The following BUB1B variants were observed in gnomAD, a reference collection of about 807,000 sequenced individuals.
BUB1B encodes mitotic checkpoint serine/threonine-protein kinase BUB1 beta.
In BUB1B, 86 loss-of-function variants were observed where a neutral mutation model predicts 137.7. That is an observed-to-expected ratio of 0.62 (90% CI 0.52 to 0.75). The LOEUF (loss-of-function observed/expected upper bound fraction) is 0.75, where lower values mean the gene tolerates loss of function less well. Among genes scored for constraint, BUB1B ranks in the 30% least tolerant of loss-of-function variants. The pLI is 0.00. For synonymous variants in BUB1B, 420 were observed against 417.9 expected (o/e 1.00, Z -0.06); for missense variants, 1,130 against 1,236.9 (o/e 0.91, Z 1.30).
At chr15:40,183,999 C>T (rs765131397) in intron 6 of BUB1B, 116 bp downstream of exon 6, 1 of 1,107,270 alleles carries the variant, frequency 9.0e-7, no homozygotes, top group Non-Finnish European at 1.3e-6. Flanking sequence ...TACTGAGTAG[C>T]AAAAAGAAGG....
At chr15:40,173,155 C>T (rs2037183906) in intron 4 of BUB1B, among the ~76,000 whole-genome samples, 1 of 151,688 alleles carries the variant, frequency 6.6e-6, no homozygotes, top group Non-Finnish European at 1.5e-5. Flanking sequence ...CGTGGTGGTG[C>T]GCACATGTAA....
chr15:40,166,009 C>T (rs939028943), intron 2 of BUB1B, among the ~76,000 whole-genome samples: 12 of 152,098 alleles, frequency 7.9e-5, no homozygotes, highest in African/African-American at 2.7e-4. Flanking sequence ...TGCGCCGCCA[C>T]GCCTGGGTAA....
At chr15:40,217,157 C>G (rs1034817776) in intron 20 of BUB1B, among the ~76,000 whole-genome samples, 5 of 152,136 alleles carry the variant, frequency 3.3e-5, no homozygotes, top group African/African-American at 9.7e-5. Flanking sequence ...GTGTATAAAT[C>G]ATTGCAATTG....
rs976402578 is a variant in BUB1B, at chr15:40,220,676, G to C, written c.3070G>C (p.Asp1024His). The C allele has an allele frequency of 6.2e-7, 1 of 1,614,160 alleles. No homozygotes were observed. The highest frequency in any genetic ancestry group is 8.5e-7 in the Non-Finnish European group (1 of 1,180,018). Residue 1024 changes from aspartate to histidine, a missense_variant, in exon 23 of 23, where the codon GAC becomes CAC. Coordinates refer to ENST00000287598, the MANE Select transcript of BUB1B (RefSeq NM_001211.6). ...ELAAEMNGVF[D>H]TTFQSHLNKA... ...TGCAGCAGAAATGAATGGGGTTTTT[G>C]ACACTACATTCCAAAGTCACCTGAA...
In BUB1B at chr15:40,176,389, C is replaced by T. The variant is rs1057020004; in HGVS notation, c.385-88C>T. 4 of 1,145,986 alleles carry T rather than the reference C, an allele frequency of 3.5e-6. No homozygotes were observed. In the African/African-American group the frequency reaches 4.6e-5, roughly 13 times the overall value. The allele number at this position is 1,145,986 out of a possible 1,614,324, so 71.0% of individuals were successfully genotyped here. On this transcript the variant is annotated intron_variant, in intron 4 of 22. Coordinates refer to ENST00000287598, the MANE Select transcript of BUB1B (RefSeq NM_001211.6). ...GATTTTTTTTTCAATACAGGAATTG[C>T]ATGTAGTATCTCCAGTGATTGTTTG...
chr15:40,218,872 A>G (rs2037842574), intron 22 of BUB1B, among the ~76,000 whole-genome samples: 1 of 152,168 alleles, frequency 6.6e-6, no homozygotes, highest in African/African-American at 2.4e-5. Flanking sequence ...CATGAGAATA[A>G]TTTTCTAACT....
chr15:40,169,606 A>ATTTTTTTTTT (rs2037137847), intron 2 of BUB1B, among the ~76,000 whole-genome samples: 1 of 106,588 alleles, frequency 9.4e-6, no homozygotes, highest in Non-Finnish European at 2.0e-5. Context: ...AATTATTTCT[A>ATTTTTTTTTT]TTCTTTTTTT....
chr15:40,212,468 G>T, intron 18 of BUB1B, 31 bp from the exon 19 acceptor site: 1 of 1,590,392 alleles, frequency 6.3e-7, no homozygotes, highest in South Asian at 1.1e-5. Flanking sequence ...AGACTTAACT[G>T]AACTTATTTT....
intron 10 of BUB1B, 22 bp downstream of exon 10, chr15:40,199,749 A>G (rs757637272): frequency 2.6e-6 from 4 of 1,535,982 alleles, no homozygotes; most frequent in Non-Finnish European, 3.6e-6. Context: ...TTTTTCATAC[A>G]CAAAACTAGA....
chr15:40,197,193 A>T (rs1488169759), intron 9 of BUB1B, among the ~76,000 whole-genome samples: 1 of 152,186 alleles, frequency 6.6e-6, no homozygotes. Context: ...TACCTTTGAT[A>T]CTTTGTCTGA....
Position 40,161,229 on chromosome 15 carries a change from G to T in BUB1B, c.9G>T (p.Ala3=), listed in dbSNP as rs7168394. Residue 3 remains alanine (A), a synonymous_variant, in exon 1 of 23, where the codon GCG becomes GCT. Coordinates refer to ENST00000287598, the MANE Select transcript of BUB1B (RefSeq NM_001211.6). MA[A]VKKEGGALSE... Reference sequence around the variant, plus strand: ...TGAGCCAGGAATGCAGGATGGCGGCGGTGAAGAAGGAAGGGGGTGCTCTGA... The same window carrying T: ...TGAGCCAGGAATGCAGGATGGCGGCTGTGAAGAAGGAAGGGGGTGCTCTGA... The T allele has an allele frequency of 0.011, 17,439 of 1,613,254 alleles. 1,435 individuals are homozygous for T. The African/African-American group carries it at 0.19, about 18-fold the overall frequency.
intron 14 of BUB1B, among the ~76,000 whole-genome samples, 198 bp downstream of exon 14, chr15:40,202,892 TAAA>T (rs1233087093): frequency 6.6e-6 from 1 of 152,180 alleles, no homozygotes; most frequent in African/African-American, 2.4e-5. Context: ...ATAGCTATAA[TAAA>T]AAATTACGCA....
Position 40,209,681 on chromosome 15 carries a change from A to G in BUB1B, c.2190A>G (p.Leu730=), listed in dbSNP as rs899287369. 6.2e-6 allele frequency: 10 copies of G among 1,614,040 alleles called. No individual in the cohort carries two copies. The highest frequency in any genetic ancestry group is 1.3e-5 in the African/African-American group (1 of 74,936). Residue 730 remains leucine (L), a synonymous_variant, in exon 17 of 23, where the codon CTA becomes CTG. Coordinates refer to ENST00000287598, the MANE Select transcript of BUB1B (RefSeq NM_001211.6). ...SPWCSQYRRQ[L]LKSLPELSAS... Reference sequence around the variant, plus strand: ...GGTGTTCACAGTATCGCAGACAGCTACTGAAGTCCCTACCAGAGTTAAGTG... The same window carrying G: ...GGTGTTCACAGTATCGCAGACAGCTGCTGAAGTCCCTACCAGAGTTAAGTG...
At chr15:40,217,895 C>T (rs1412965992) in intron 21 of BUB1B, among the ~76,000 whole-genome samples, 1 of 152,188 alleles carries the variant, frequency 6.6e-6, no homozygotes, top group East Asian at 1.9e-4. Flanking sequence ...AGTGCCAGGG[C>T]CACTCCTACT....
chr15:40,193,286 G>A (rs535372669), intron 8 of BUB1B, among the ~76,000 whole-genome samples: 1 of 152,184 alleles, frequency 6.6e-6, no homozygotes, highest in East Asian at 1.9e-4. Flanking sequence ...CCATCAATGA[G>A]AGCTTCTATT....
In BUB1B at chr15:40,170,112, T is replaced by C; in HGVS notation, c.230T>C (p.Val77Ala). The change falls in exon 3 of 23, where the codon GTT becomes GCT. Residue 77 changes from valine to alanine, a missense_variant. By Grantham distance (64) the Val-to-Ala change is moderately conservative. Transcript: ENST00000287598. ...TACACTGGAAATGACCCTCTGGATGTTTGGGATAGGTGGGTCTTTTTATTT... is the reference window on the plus strand; with the variant it reads ...TACACTGGAAATGACCCTCTGGATGCTTGGGATAGGTGGGTCTTTTTATTT... ...RFYTGNDPLD[V>A]WDRYISWTEQ... 1 of 1,613,446 alleles carries C rather than the reference T, an allele frequency of 6.2e-7. No individual in the cohort carries two copies. The highest frequency in any genetic ancestry group is 8.5e-7 in the Non-Finnish European group (1 of 1,179,376).
intron 8 of BUB1B, among the ~76,000 whole-genome samples, chr15:40,193,468 C>CTTT (rs555918648): frequency 1.2e-3 from 92 of 79,700 alleles, no homozygotes; most frequent in African/African-American, 2.6e-3. Context: ...CTTATTACCA[C>CTTT]TTTTTTTTTT....
At position 40,183,249 on chromosome 15, in the gene BUB1B, T is replaced by C. The variant is rs536481605; in HGVS notation, c.582-465T>C. Among the ~76,000 whole-genome samples, 11 of 152,294 alleles carry C rather than the reference T, an allele frequency of 7.2e-5. No homozygotes were observed. In the South Asian group the frequency reaches 2.3e-3, roughly 32 times the overall value. Reference sequence around the variant, plus strand: ...TCATGTCATATGCAACTTCATTTCATATAGGTCAGGAGAAACCGTATATGT... The same window carrying C: ...TCATGTCATATGCAACTTCATTTCACATAGGTCAGGAGAAACCGTATATGT... On this transcript the variant is annotated intron_variant, in intron 5 of 22. Transcript: ENST00000287598.
chr15:40,202,856 T>TGAGATAC (rs994015607), intron 14 of BUB1B, among the ~76,000 whole-genome samples, 162 bp downstream of exon 14: 5 of 152,180 alleles, frequency 3.3e-5, no homozygotes, highest in African/African-American at 1.2e-4. Flanking sequence ...AAAACCACAG[T>TGAGATAC]GAGATACTAC....
Sources: gnomAD v4.1 joint callset for allele counts (sites outside exome capture counted in the v4.1 genomes callset) on GRCh38, gnomAD v4.1.1 for gene constraint, MANE v1.5 for transcripts, NCBI Gene and HGNC (gene_info 2026-07-23, HGNC 2026-07-21) for gene names.